The following GRIN3A variants were observed in gnomAD, a reference collection of about 807,000 sequenced individuals.
GRIN3A encodes glutamate ionotropic receptor NMDA type subunit 3A, also known as glutamate receptor ionotropic, NMDA 3A.
A neutral mutation model predicts 92.4 loss-of-function variants in GRIN3A; 47 were observed. That is an observed-to-expected ratio of 0.51 (90% CI 0.40 to 0.65). GRIN3A has a LOEUF of 0.65. Among genes scored for constraint, GRIN3A ranks in the 30% least tolerant of loss-of-function variants. The pLI is 0.00. For synonymous variants in GRIN3A, 527 were observed against 540.6 expected (o/e 0.97, Z 0.35); for missense variants, 1,324 against 1,393.1 (o/e 0.95, Z 0.79).
At chr9:101,652,868 A>C (rs527375018) in intron 3 of GRIN3A, among the ~76,000 whole-genome samples, 8 of 152,110 alleles carry the variant, frequency 5.3e-5, no homozygotes, top group Admixed American at 4.6e-4. Flanking sequence ...TTTTATGAGA[A>C]TGAACATTGC....
chr9:101,722,716 C>A (rs1401125977), intron 1 of GRIN3A, among the ~76,000 whole-genome samples: 3 of 152,100 alleles, frequency 2.0e-5, no homozygotes, highest in Non-Finnish European at 4.4e-5. Flanking sequence ...TTGCATAGGC[C>A]CTGTAACCCC....
At chr9:101,601,880 C>T (rs1828215716) in intron 6 of GRIN3A, among the ~76,000 whole-genome samples, 1 of 152,146 alleles carries the variant, frequency 6.6e-6, no homozygotes, top group South Asian at 2.1e-4. Context: ...TGCAATGACC[C>T]TATTTCCAAA....
At chr9:101,581,686 T>C (rs1019874813) in intron 6 of GRIN3A, among the ~76,000 whole-genome samples, 1 of 152,130 alleles carries the variant, frequency 6.6e-6, no homozygotes, top group African/African-American at 2.4e-5. Flanking sequence ...CTTCTCTTCT[T>C]TATAAAGTAC....
In GRIN3A at chr9:101,722,001, C is replaced by T. The variant is rs112357935; in HGVS notation, c.699+15280G>A. 1.8e-3 allele frequency among the ~76,000 whole-genome samples: 269 copies of T among 152,308 alleles called. 2 individuals are homozygous for T. The highest frequency in any genetic ancestry group is 6.1e-3 in the African/African-American group (254 of 41,572). On this transcript the variant is annotated intron_variant, in intron 1 of 8. Transcript: ENST00000361820. ...AGAGCCTAATGTTAATCCACAAGAC[C>T]ATGGGGAAAATGTCTCCAGGCCATG...
intron 6 of GRIN3A, among the ~76,000 whole-genome samples, chr9:101,589,185 C>A (rs1827991617): frequency 6.6e-6 from 1 of 152,142 alleles, no homozygotes; most frequent in African/African-American, 2.4e-5. Flanking sequence ...GTTGACCAGG[C>A]TGGTCTTGAA....
intron 3 of GRIN3A, among the ~76,000 whole-genome samples, chr9:101,641,936 C>T (rs1365121381): frequency 6.6e-6 from 1 of 152,046 alleles, no homozygotes; most frequent in Admixed American, 6.6e-5. Flanking sequence ...GTTTGATAAT[C>T]ATCATCTGTT....
intron 5 of GRIN3A, among the ~76,000 whole-genome samples, chr9:101,614,698 C>T (rs1210497724): frequency 7.1e-6 from 1 of 140,836 alleles, no homozygotes; most frequent in Non-Finnish European, 1.5e-5. Context: ...TGGCTCACTG[C>T]AACCTTGACC....
intron 6 of GRIN3A, among the ~76,000 whole-genome samples, chr9:101,611,309 T>A (rs1281059739): frequency 6.6e-6 from 1 of 152,132 alleles, no homozygotes; most frequent in African/African-American, 2.4e-5. Flanking sequence ...TGCTCCAGTC[T>A]TTGCCTTTGT....
At chr9:101,627,960 G>A (rs540993034) in intron 4 of GRIN3A, among the ~76,000 whole-genome samples, 53 of 152,284 alleles carry the variant, frequency 3.5e-4, no homozygotes, top group African/African-American at 1.2e-3. Flanking sequence ...ATTCTCAAGT[G>A]ATGTAAAGCC....
chr9:101,633,528 T>C (rs1828740465), intron 3 of GRIN3A, among the ~76,000 whole-genome samples: 1 of 152,114 alleles, frequency 6.6e-6, no homozygotes, highest in South Asian at 2.1e-4. Context: ...CAGGTAATGG[T>C]CCGTGGTCTG....
chr9:101,687,791 G>T (rs1015753830), intron 1 of GRIN3A, among the ~76,000 whole-genome samples: 1 of 152,082 alleles, frequency 6.6e-6, no homozygotes, highest in African/African-American at 2.4e-5. Context: ...AATGTTAAAG[G>T]CTTGATTACT....
At chr9:101,679,294 C>T (rs1401285649) in intron 2 of GRIN3A, among the ~76,000 whole-genome samples, 8 of 152,094 alleles carry the variant, frequency 5.3e-5, no homozygotes, top group African/African-American at 1.9e-4. Flanking sequence ...AAAAGTCAAC[C>T]AAGAATACAG....
intron 3 of GRIN3A, among the ~76,000 whole-genome samples, chr9:101,636,520 G>A (rs1828787860): frequency 6.6e-6 from 1 of 152,218 alleles, no homozygotes; most frequent in African/African-American, 2.4e-5. Context: ...GAATATGGCA[G>A]ATCAAGGACA....
At chr9:101,615,491 G>A (rs1249023515) in intron 5 of GRIN3A, among the ~76,000 whole-genome samples, 3 of 150,974 alleles carry the variant, frequency 2.0e-5, no homozygotes, top group African/African-American at 7.3e-5. Flanking sequence ...TGAGTGGCTG[G>A]GACTACAGGC....
intron 6 of GRIN3A, chr9:101,594,331 G>A: frequency 1.3e-6 from 2 of 1,500,622 alleles, no homozygotes; most frequent in South Asian, 1.3e-5. Flanking sequence ...CAGAGAGACA[G>A]TTGGACGTCT....
chr9:101,624,381 C>T (rs1394045592), intron 4 of GRIN3A, among the ~76,000 whole-genome samples: 1 of 123,106 alleles, frequency 8.1e-6, no homozygotes, highest in Non-Finnish European at 1.7e-5. Flanking sequence ...CCCCTCCCCC[C>T]ACCCCACAAC....
intron 2 of GRIN3A, among the ~76,000 whole-genome samples, chr9:101,685,583 CCCGGGAAT>C (rs1380068305): frequency 6.6e-6 from 1 of 151,884 alleles, no homozygotes; most frequent in African/African-American, 2.4e-5. Context: ...TTCCCCCTTT[CCCGGGAAT>C]CACCAAAACC....
rs554188133 is a variant in GRIN3A at position 101,577,912 on chromosome 9, C to G, written c.2932-68G>C. ...ACATAGGTCAGGGAACAAAGAACCA[C>G]TTGAGATGTAACAGTATATGTAGTC... is the stretch of plus-strand genomic sequence containing the variant. On this transcript the variant is annotated intron_variant, in intron 7 of 8. Transcript: ENST00000361820. The G allele has an allele frequency of 1.1e-5, 12 of 1,131,022 alleles. No homozygotes were observed. In the South Asian group the frequency reaches 1.5e-4, roughly 14 times the overall value. The allele number at this position is 1,131,022 out of a possible 1,614,324, so 70.1% of individuals were successfully genotyped here.
chr9:101,575,454 CAG>C (rs920333794), intron 8 of GRIN3A, among the ~76,000 whole-genome samples: 19 of 152,046 alleles, frequency 1.2e-4, no homozygotes, highest in African/African-American at 2.4e-4. Context: ...AAAGGGAAAA[CAG>C]GGGTGACATG....
Sources: allele counts gnomAD v4.1 joint callset (sites outside exome capture counted in the v4.1 genomes callset), GRCh38; gene constraint gnomAD v4.1.1; transcripts MANE v1.5; gene names NCBI Gene and HGNC (gene_info 2026-07-23, HGNC 2026-07-21).